ARHGEF12: variants seen among roughly 807,000 people sequenced by gnomAD.
The protein encoded by ARHGEF12 is KMT2A/ARHGEF12 fusion protein.
In ARHGEF12, 66 loss-of-function variants were observed where a neutral mutation model predicts 211.2. That is an observed-to-expected ratio of 0.31 (90% CI 0.26 to 0.38). ARHGEF12 has a LOEUF of 0.38. Ranked by LOEUF, ARHGEF12 falls within the 10% of genes least tolerant of loss-of-function variation. The pLI, the probability that ARHGEF12 is intolerant of heterozygous loss-of-function variation, is 1.00. For synonymous variants in ARHGEF12, 592 were observed against 638.4 expected, an observed-to-expected ratio of 0.93 and a Z score of 1.09; for missense variants, 1,429 against 1,869.5, an observed-to-expected ratio of 0.76 and a Z score of 4.34.
At chr11:120,407,662 C>T in intron 2 of ARHGEF12, 76 bp from the exon 3 acceptor site, 1 of 1,066,842 alleles carries the variant, frequency 9.4e-7, no homozygotes, top group Admixed American at 1.9e-5. Context: ...CTTGTAAGAT[C>T]CACTTTTAGA....
At position 120,424,510 on chromosome 11, in the gene ARHGEF12, A is replaced by C. The variant is rs1945284852; in HGVS notation, c.406+95A>C. ...GTAATAGGCCAAATAGTAAATATTT[A>C]GGCTATGTGGACTATATAGTCTACT... is the stretch of plus-strand genomic sequence containing the variant. On this transcript the variant is annotated intron_variant, in intron 7 of 40. Transcript: ENST00000397843. 6.0e-6 allele frequency: 6 copies of C among 1,005,344 alleles called. No homozygotes were observed. The South Asian group carries it at 8.3e-5, about 14-fold the overall frequency. 62.3% of individuals were successfully genotyped at this position (1,005,344 alleles called of 1,614,324 possible).
chr11:120,447,992 T>C (rs1399634065), intron 19 of ARHGEF12, 86 bp downstream of exon 19: 1 of 1,084,244 alleles, frequency 9.2e-7, no homozygotes, highest in African/African-American at 1.6e-5. Context: ...ACAATTTATT[T>C]CTTTTAACTT....
chr11:120,404,260 A>G (rs1944626053), intron 1 of ARHGEF12, among the ~76,000 whole-genome samples: 1 of 152,176 alleles, frequency 6.6e-6, no homozygotes, highest in South Asian at 2.1e-4. Flanking sequence ...GGATTTTGCA[A>G]AACTATGGGA....
In ARHGEF12 at chr11:120,457,115, C is replaced by A; in HGVS notation, c.2057-3C>A. 1 of 1,613,152 alleles carries A rather than the reference C, an allele frequency of 6.2e-7. No individual in the cohort carries two copies. The highest frequency in any genetic ancestry group is 8.5e-7 in the Non-Finnish European group (1 of 1,179,676). On this transcript the variant is annotated splice_region_variant and splice_polypyrimidine_tract_variant and intron_variant, in intron 22 of 40. Coordinates refer to ENST00000397843, the MANE Select transcript of ARHGEF12 (RefSeq NM_015313.3). ...TCTTCAAATGTCTGACTTTTGTCTA[C>A]AGGATCAAAGCAAGTTGGAGAAACA... is the stretch of plus-strand genomic sequence containing the variant.
chr11:120,441,878 C>T lies in ARHGEF12; in HGVS notation c.1203+61C>T, dbSNP rs1945877774. The T allele has an allele frequency of 1.2e-5, 17 of 1,436,918 alleles. No individual in the cohort carries two copies. In the South Asian group the frequency reaches 2.0e-4, roughly 17 times the overall value. 89.0% of individuals were successfully genotyped at this position (1,436,918 alleles called of 1,614,324 possible). A position where few individuals can be genotyped will look rare whatever the true frequency, so the allele number is the denominator to read the frequency against. On this transcript the variant is annotated intron_variant, in intron 14 of 40. Transcript: ENST00000397843. Reference sequence around the variant, plus strand: ...TTCTGTTGATTCATGTGCCATAGAACTTTTCCTAGCTATACAACGAGTGGG... The same window carrying T: ...TTCTGTTGATTCATGTGCCATAGAATTTTTCCTAGCTATACAACGAGTGGG...
chr11:120,388,200 G>A (rs921975292), intron 1 of ARHGEF12, among the ~76,000 whole-genome samples: 1 of 152,098 alleles, frequency 6.6e-6, no homozygotes, highest in African/African-American at 2.4e-5. Context: ...TAATTTGCAT[G>A]TCTTTTTGTA....
intron 13 of ARHGEF12, among the ~76,000 whole-genome samples, chr11:120,440,613 CTT>C: frequency 6.6e-6 from 1 of 152,172 alleles, no homozygotes; most frequent in Admixed American, 6.5e-5. Context: ...AAAAATAAGT[CTT>C]TTGGAGTTTT....
chr11:120,408,316 A>T (rs562411351), intron 3 of ARHGEF12: 1 of 152,398 alleles, frequency 6.6e-6, no homozygotes, highest in African/African-American at 2.4e-5. Context: ...CTTCAGTCAA[A>T]AAGTATTCTG....
In ARHGEF12 at chr11:120,488,888, C is replaced by T. The variant is rs1947467383; in HGVS notation, c.*3811C>T. 1 of 215,018 alleles carries T rather than the reference C, an allele frequency of 4.7e-6. No individual in the cohort carries two copies. Among genetic ancestry groups the T allele is most frequent in the Non-Finnish European group, 9.4e-6 (1 of 106,502 alleles). The allele number at this position is 215,018 out of a possible 1,614,324, so 13.3% of individuals were successfully genotyped here. The stretch of plus-strand genomic sequence containing the variant: ...TATTGTTCTAATTATCCAGATGTAC[C>T]TTTGTAAAATAGCTCTTTTATGAAT... On this transcript the variant is annotated 3_prime_UTR_variant, in exon 41 of 41. Transcript: ENST00000397843.
intron 15 of ARHGEF12, among the ~76,000 whole-genome samples, chr11:120,445,042 CAT>C (rs958407528): frequency 2.0e-5 from 3 of 152,120 alleles, no homozygotes; most frequent in Non-Finnish European, 4.4e-5. Context: ...GTACATTTTT[CAT>C]ATGATAATAT....
chr11:120,403,495 A>C (rs1467653546), intron 1 of ARHGEF12, among the ~76,000 whole-genome samples: 1 of 151,782 alleles, frequency 6.6e-6, no homozygotes, highest in African/African-American at 2.4e-5. Context: ...TGACAAAGCG[A>C]GACTTAATCG....
chr11:120,437,513 G>A (rs1203641558), intron 12 of ARHGEF12, 131 bp downstream of exon 12: 1 of 535,302 alleles, frequency 1.9e-6, no homozygotes, highest in East Asian at 3.4e-5. Flanking sequence ...ATTTATTAAA[G>A]AAACTTAATA....
rs1272801252 is a variant in ARHGEF12, at chr11:120,448,230, C to T, written c.1623-4C>T. On this transcript the variant is annotated splice_polypyrimidine_tract_variant and splice_region_variant and intron_variant, in intron 19 of 40. Coordinates refer to ENST00000397843, the MANE Select transcript of ARHGEF12 (RefSeq NM_015313.3). ...CTTAATTTACTTCGTCCTTTCTCCT[C>T]CAGCTCCACCATGCAGTATGTTATT... The T allele has an allele frequency of 1.9e-6, 3 of 1,604,886 alleles. No homozygotes were observed. The highest frequency in any genetic ancestry group is 1.7e-4 in the Middle Eastern group (1 of 6,040).
intron 6 of ARHGEF12, 29 bp downstream of exon 6, chr11:120,421,881 G>A (rs901762064): frequency 5.1e-6 from 8 of 1,574,288 alleles, no homozygotes; most frequent in Non-Finnish European, 5.2e-6. Flanking sequence ...TAGAATTTAC[G>A]GTAGGATTAA....
At position 120,447,100 on chromosome 11, in the gene ARHGEF12, T is replaced by C; in HGVS notation, c.1589+15T>C. Reference sequence around the variant, plus strand: ...GAAGAAGTATTGTAAGTAATAGAAGTATATGTGGAAATGCCCTCTCTGCTG... The same window carrying C: ...GAAGAAGTATTGTAAGTAATAGAAGCATATGTGGAAATGCCCTCTCTGCTG... On this transcript the variant is annotated intron_variant, in intron 18 of 40. Transcript: ENST00000397843. 6.2e-7 allele frequency: 1 copy of C among 1,612,370 alleles called. No individual in the cohort carries two copies. The highest frequency in any genetic ancestry group is 8.5e-7 in the Non-Finnish European group (1 of 1,179,120).
At chr11:120,393,608 A>G (rs1055771008) in intron 1 of ARHGEF12, among the ~76,000 whole-genome samples, 2 of 152,230 alleles carry the variant, frequency 1.3e-5, no homozygotes, top group Non-Finnish European at 2.9e-5. Flanking sequence ...AAAAGGGTCA[A>G]TTTAAAAAGA....
chr11:120,396,691 G>A (rs2135524833), intron 1 of ARHGEF12, among the ~76,000 whole-genome samples: 1 of 152,286 alleles, frequency 6.6e-6, no homozygotes. Flanking sequence ...AGACCTAAAA[G>A]TAAAATAGAA....
chr11:120,409,701 CTT>C (rs1944824526), intron 4 of ARHGEF12: 1 of 367,768 alleles, frequency 2.7e-6, no homozygotes, highest in African/African-American at 2.1e-5. Flanking sequence ...CTTCTCCCGT[CTT>C]GTTTATGGTA....
chr11:120,420,935 G>A (rs932915934), intron 5 of ARHGEF12, 84 bp downstream of exon 5: 6 of 1,174,074 alleles, frequency 5.1e-6, no homozygotes, highest in Middle Eastern at 1.9e-4. Context: ...GCCAAGAATA[G>A]AATAATTACA....
Sources: allele counts gnomAD v4.1 joint callset (sites outside exome capture counted in the v4.1 genomes callset), GRCh38; gene constraint gnomAD v4.1.1; transcripts MANE v1.5; gene names NCBI Gene and HGNC (gene_info 2026-07-23, HGNC 2026-07-21).